ERMAP: variants seen among roughly 807,000 people sequenced by gnomAD.
The protein encoded by ERMAP is erythroid membrane-associated protein.
ERMAP carries 34 observed loss-of-function variants against 49.5 expected under a neutral mutation model. The ratio of observed to expected loss-of-function variants is 0.69; its 90% CI spans 0.52 to 0.91. ERMAP has a LOEUF of 0.91. ERMAP is among the 40% of genes least tolerant of loss of function. The pLI is 0.00. For synonymous variants in ERMAP, 214 were observed against 232.2 expected, an observed-to-expected ratio of 0.92 and a Z score of 0.71; for missense variants, 541 against 582.6, an observed-to-expected ratio of 0.93 and a Z score of 0.74.
chr1:42,836,960 G>C lies in ERMAP; in HGVS notation c.584-198G>C, dbSNP rs1654919736. The C allele has an allele frequency of 5.6e-6, 3 of 537,326 alleles. No homozygotes were observed. In the Admixed American group the frequency reaches 1.0e-4, roughly 18 times the overall value. The allele number at this position is 537,326 out of a possible 1,614,324, so 33.3% of individuals were successfully genotyped here. On this transcript the variant is annotated intron_variant, in intron 6 of 11. Coordinates refer to ENST00000372517, the MANE Select transcript of ERMAP (RefSeq NM_001017922.2). The stretch of plus-strand genomic sequence containing the variant: ...AGGCTGCAGAGTTTAGTAGAGACCA[G>C]AGGGATTAAGACAGGATGTGGGAGA...
rs1655120368 is a variant in ERMAP, at chr1:42,843,243, C to T, written c.*11C>T. The T allele has an allele frequency of 6.5e-7, 1 of 1,549,488 alleles. No individual in the cohort carries two copies. The stretch of plus-strand genomic sequence containing the variant: ...GCTCCTTCTTTTTAGGGATATGCCA[C>T]ATTACCTGCTCCCATCACCATCCAG... On this transcript the variant is annotated 3_prime_UTR_variant, in exon 12 of 12. Coordinates refer to ENST00000372517, the MANE Select transcript of ERMAP (RefSeq NM_001017922.2).
At position 42,819,168 on chromosome 1, in the gene ERMAP, A is replaced by AGTGT. The variant is rs1422339677; in HGVS notation, c.-122+1916_-122+1917insTGTG. ...ACGGTGAGGAAGAGGATAAGTTAGG[A>AGTGT]GCGTGTGTGTGTGTGTGTGTGTGTG... On this transcript the variant is annotated intron_variant, in intron 1 of 11. Coordinates refer to ENST00000372517, the MANE Select transcript of ERMAP (RefSeq NM_001017922.2). The surrounding 1 kb of genome is among the most constrained non-coding windows in gnomAD (Gnocchi z 5.1). Among the ~76,000 whole-genome samples the AGTGT allele has an allele frequency of 2.1e-5, 2 of 94,234 alleles. No homozygotes were observed. Among genetic ancestry groups the AGTGT allele is most frequent in the African/African-American group, 3.7e-5 (1 of 27,056 alleles). 61.8% of individuals were successfully genotyped at this position (94,234 alleles called of 152,430 possible). A position where few individuals can be genotyped will look rare whatever the true frequency, so the allele number is the denominator to read the frequency against.
At chr1:42,838,635 C>T (rs1444160556) in intron 7 of ERMAP, among the ~76,000 whole-genome samples, 1 of 152,136 alleles carries the variant, frequency 6.6e-6, no homozygotes, top group Non-Finnish European at 1.5e-5. Context: ...AACACTCATG[C>T]CGACAGCAGA....
chr1:42,839,963 T>C (rs1346256590), intron 8 of ERMAP, 70 bp from the exon 9 acceptor site: 5 of 1,464,036 alleles, frequency 3.4e-6, no homozygotes, highest in Non-Finnish European at 4.8e-6. Flanking sequence ...GGGATGGGAC[T>C]GTAGCATTAT....
intron 1 of ERMAP, among the ~76,000 whole-genome samples, chr1:42,825,026 G>A (rs1654504151): frequency 6.6e-6 from 1 of 152,210 alleles, no homozygotes; most frequent in Non-Finnish European, 1.5e-5. Flanking sequence ...ATAAAAAAAG[G>A]GAATAATTGG....
chr1:42,840,282 C>T lies in ERMAP; in HGVS notation c.698C>T (p.Ala233Val). The T allele has an allele frequency of 1.2e-6, 2 of 1,613,992 alleles. No individual in the cohort carries two copies. Among genetic ancestry groups the T allele is most frequent in the East Asian group, 4.5e-5 (2 of 44,880 alleles). ...TCTCATTTTTCAGGCTGGAGAAGAG[C>T]CCGGTTGCATTTTGGTAAGTTATAC... ...RAAANSGWRR[A>V]RLHFVAVTLD... The change falls in exon 11 of 12, where the codon GCC (alanine) becomes GTC (valine). Residue 233 changes from alanine (A) to valine (V), a missense_variant. Coordinates refer to ENST00000372517, the MANE Select transcript of ERMAP (RefSeq NM_001017922.2).
chr1:42,836,904 A>T (rs79501518), intron 6 of ERMAP: 15 of 116,702 alleles, frequency 1.3e-4, no homozygotes, highest in Non-Finnish European at 1.5e-4. Flanking sequence ...TGGCAGATTT[A>T]AAAAAAAAAA....
intron 4 of ERMAP, among the ~76,000 whole-genome samples, chr1:42,832,601 A>G (rs920398732): frequency 2.6e-5 from 4 of 152,008 alleles, no homozygotes; most frequent in African/African-American, 9.7e-5. Flanking sequence ...TCCCGACCTC[A>G]GGTGATCCTC....
intron 7 of ERMAP, 132 bp downstream of exon 7, chr1:42,837,322 T>G: frequency 2.0e-6 from 2 of 999,182 alleles, no homozygotes; most frequent in Non-Finnish European, 2.9e-6. Flanking sequence ...TATCCTCCAT[T>G]GATATTACTG....
chr1:42,832,396 T>C (rs11580112), intron 4 of ERMAP, among the ~76,000 whole-genome samples: 68,347 of 150,658 alleles, frequency 0.45, 15,831 homozygotes, highest in East Asian at 0.58. Flanking sequence ...AGATGGAGTT[T>C]CACTCTTGTT....
chr1:42,822,094 CAA>C (rs1654419847), intron 1 of ERMAP, among the ~76,000 whole-genome samples: 2 of 149,680 alleles, frequency 1.3e-5, no homozygotes, highest in Non-Finnish European at 3.0e-5. Context: ...TATATAACAA[CAA>C]AACATATATT....
intron 2 of ERMAP, among the ~76,000 whole-genome samples, chr1:42,829,043 T>C (rs542840333): frequency 6.6e-6 from 1 of 152,258 alleles, no homozygotes; most frequent in Non-Finnish European, 1.5e-5. Flanking sequence ...AATAGAGAGC[T>C]TTTCTCATTT....
intron 6 of ERMAP, among the ~76,000 whole-genome samples, chr1:42,836,448 G>C (rs1205589247): frequency 6.6e-6 from 1 of 152,084 alleles, no homozygotes; most frequent in African/African-American, 2.4e-5. Context: ...GGTGAGGCTG[G>C]GGAGTGAGGC....
chr1:42,839,594 G>C lies in ERMAP; in HGVS notation c.638-439G>C, dbSNP rs200725198. On this transcript the variant is annotated intron_variant, in intron 8 of 11. Coordinates refer to ENST00000372517, the MANE Select transcript of ERMAP (RefSeq NM_001017922.2). ...TATTGTACTCCAGCCTGGGCAAAAA[G>C]AGCGAAACTCCATCTCAAAATAAAA... 5.7e-5 allele frequency: 11 copies of C among 194,552 alleles called. No individual in the cohort carries two copies. The East Asian group carries it at 1.2e-3, about 20-fold the overall frequency. 12.1% of individuals were successfully genotyped at this position (194,552 alleles called of 1,614,324 possible).
Position 42,831,036 on chromosome 1 carries a change from T to C in ERMAP, c.354T>C (p.Leu118=), listed in dbSNP as rs756587594. ...CTCTGCAGATCCTTGACGTGCGCCT[T>C]GAGGACCAAGGGTCTTACCGATGTC... The part of the protein sequence containing the change: ...SVTLQILDVR[L]EDQGSYRCLI... Residue 118 remains leucine, a synonymous_variant, in exon 4 of 12, where the codon CTT becomes CTC. Transcript: ENST00000372517. 8.1e-6 allele frequency: 13 copies of C among 1,614,216 alleles called. No individual in the cohort carries two copies. Among genetic ancestry groups the C allele is most frequent in the African/African-American group, 1.3e-5 (1 of 75,062 alleles).
chr1:42,843,456 A>T lies in ERMAP; in HGVS notation c.*224A>T. On this transcript the variant is annotated 3_prime_UTR_variant, in exon 12 of 12. Transcript: ENST00000372517. ...GTGACCTGGAGGGAGGATTCCTGGA[A>T]ACCAAACAATCAGTTTAGGTGCAGG... The T allele has an allele frequency of 2.2e-6, 1 of 457,848 alleles. No homozygotes were observed. The highest frequency in any genetic ancestry group is 3.8e-6 in the Non-Finnish European group (1 of 261,294). The allele number at this position is 457,848 out of a possible 1,614,324, so 28.4% of individuals were successfully genotyped here. A position where few individuals can be genotyped will look rare whatever the true frequency, so the allele number is the denominator to read the frequency against.
rs34857253 is a variant in ERMAP at position 42,834,915 on chromosome 1, C to T, written c.434-123C>T. 4.1e-3 allele frequency: 2,806 copies of T among 679,028 alleles called. 60 individuals are homozygous for T. The highest frequency in any genetic ancestry group is 0.041 in the African/African-American group (2,301 of 55,772). The allele number at this position is 679,028 out of a possible 1,614,324, so 42.1% of individuals were successfully genotyped here. On this transcript the variant is annotated intron_variant, in intron 4 of 11. Coordinates refer to ENST00000372517, the MANE Select transcript of ERMAP (RefSeq NM_001017922.2). ...TCAGAGAAGCAAAGAGCCTCTTGGC[C>T]GGAGCTCTCTCCCTAGAGGTGATGG...
Position 42,842,763 on chromosome 1 carries a change from T to C in ERMAP, c.959T>C (p.Val320Ala), listed in dbSNP as rs1180547677. ...GAGTCAGTGAGCAGGAAGGGGAAGG[T>C]TACTGCCTCACCTGCCAATGGACAC... ...CSESVSRKGK[V>A]TASPANGHWL... The change falls in exon 12 of 12, where the codon GTT (valine) becomes GCT (alanine). Residue 320 changes from valine (V) to alanine (A), a missense_variant. Val to Ala is a moderately conservative substitution (Grantham distance 64). Transcript: ENST00000372517. The C allele has an allele frequency of 6.2e-7, 1 of 1,614,080 alleles. No individual in the cohort carries two copies. The highest frequency in any genetic ancestry group is 1.1e-5 in the South Asian group (1 of 91,080).
rs145113385 is a variant in ERMAP, at chr1:42,819,170, C to CGTGTGTGTGTGTGT, written c.-122+1941_-122+1954dup. On this transcript the variant is annotated intron_variant, in intron 1 of 11. Coordinates refer to ENST00000372517, the MANE Select transcript of ERMAP (RefSeq NM_001017922.2). This position sits in a 1 kb window ranked among gnomAD's most constrained non-coding sequence, Gnocchi z 5.1. ...GGTGAGGAAGAGGATAAGTTAGGAG[C>CGTGTGTGTGTGTGT]GTGTGTGTGTGTGTGTGTGTGTGTG... Among the ~76,000 whole-genome samples, 3 of 142,554 alleles carry CGTGTGTGTGTGTGT rather than the reference C, an allele frequency of 2.1e-5. No individual in the cohort carries two copies. In the East Asian group the frequency reaches 6.1e-4, roughly 29 times the overall value. 93.5% of individuals were successfully genotyped at this position (142,554 alleles called of 152,430 possible).
Sources: allele counts gnomAD v4.1 joint callset (sites outside exome capture counted in the v4.1 genomes callset), GRCh38; gene constraint gnomAD v4.1.1; non-coding constraint Gnocchi (gnomAD v3.1); transcripts MANE v1.5; gene names NCBI Gene and HGNC (gene_info 2026-07-23, HGNC 2026-07-21).